The following ZNRF1 variants were observed in gnomAD, a reference collection of about 807,000 sequenced individuals.
The protein encoded by ZNRF1 is E3 ubiquitin-protein ligase ZNRF1.
ZNRF1 carries 3 observed loss-of-function variants against 18.4 expected under a neutral mutation model. The ratio of observed to expected loss-of-function variants is 0.16; its 90% CI spans 0.07 to 0.42. ZNRF1 has a LOEUF of 0.42. Ranked by LOEUF, ZNRF1 falls within the 10% of genes least tolerant of loss-of-function variation. ZNRF1 has a pLI of 0.99. For synonymous variants in ZNRF1, 157 were observed against 144.2 expected (o/e 1.09, Z -0.64); for missense variants, 310 against 329.8 (o/e 0.94, Z 0.47).
intron 1 of ZNRF1, among the ~76,000 whole-genome samples, chr16:75,087,127 GA>G (rs2036083671): frequency 6.6e-6 from 1 of 152,228 alleles, no homozygotes; most frequent in Admixed American, 6.5e-5. Flanking sequence ...AGTGGATTGG[GA>G]GAGTTCTTGT....
At chr16:75,058,361 C>G (rs1377926289) in intron 1 of ZNRF1, among the ~76,000 whole-genome samples, 1 of 152,108 alleles carries the variant, frequency 6.6e-6, no homozygotes, top group African/African-American at 2.4e-5. Flanking sequence ...GCTTTTTCTA[C>G]TTTGGCTTTC....
intron 1 of ZNRF1, among the ~76,000 whole-genome samples, chr16:75,013,185 A>G (rs1440447220): frequency 1.3e-5 from 2 of 152,192 alleles, no homozygotes; most frequent in Non-Finnish European, 2.9e-5. Context: ...AAGTAATTAT[A>G]AAGTATCTTT....
intron 1 of ZNRF1, among the ~76,000 whole-genome samples, chr16:75,016,061 C>T (rs915152972): frequency 5.3e-5 from 8 of 151,208 alleles, no homozygotes; most frequent in African/African-American, 1.9e-4. Context: ...GCTGGGACTA[C>T]AGGCGCCTGC....
intron 1 of ZNRF1, among the ~76,000 whole-genome samples, chr16:75,072,542 G>A (rs531147924): frequency 2.0e-5 from 3 of 152,318 alleles, no homozygotes; most frequent in South Asian, 4.1e-4. Context: ...GCCTGACACA[G>A]AGTAACCTGC....
rs2145423586 is a variant in ZNRF1, at chr16:75,095,854, A to AC, written c.520+2193dup. 4 of 1,028,000 alleles carry AC rather than the reference A, an allele frequency of 3.9e-6. No individual in the cohort carries two copies. In the East Asian group the frequency reaches 1.1e-4, roughly 29 times the overall value. The allele number at this position is 1,028,000 out of a possible 1,614,324, so 63.7% of individuals were successfully genotyped here. Reference sequence around the variant, plus strand: ...CTTGAGTGCCTGGCGCTGTTGGTTTACCCCCCTACACCCCACCACCGGCAG... The same window carrying AC: ...CTTGAGTGCCTGGCGCTGTTGGTTTACCCCCCCTACACCCCACCACCGGCAG... On this transcript the variant is annotated intron_variant, in intron 2 of 4. Coordinates refer to ENST00000335325, the MANE Select transcript of ZNRF1 (RefSeq NM_032268.5).
intron 1 of ZNRF1, among the ~76,000 whole-genome samples, chr16:75,012,736 C>T (rs920743378): frequency 1.3e-5 from 2 of 152,148 alleles, no homozygotes; most frequent in East Asian, 1.9e-4. Context: ...TACAGTTTCT[C>T]GGGACTCATG....
chr16:75,077,157 C>T (rs2035948946), intron 1 of ZNRF1, among the ~76,000 whole-genome samples: 1 of 152,178 alleles, frequency 6.6e-6, no homozygotes, highest in Non-Finnish European at 1.5e-5. Context: ...CTTTGGGAGG[C>T]CAAGGTGGGC....
chr16:75,003,314 T>C (rs1188328227), intron 1 of ZNRF1, among the ~76,000 whole-genome samples: 1 of 152,228 alleles, frequency 6.6e-6, no homozygotes, highest in Non-Finnish European at 1.5e-5. Context: ...TACTTTTTTC[T>C]GTGTATGGTT....
intron 1 of ZNRF1, among the ~76,000 whole-genome samples, chr16:75,074,463 G>A (rs1025152601): frequency 1.3e-5 from 2 of 152,152 alleles, no homozygotes; most frequent in Non-Finnish European, 2.9e-5. Flanking sequence ...AATATTTATG[G>A]GTGGATTTAT....
intron 1 of ZNRF1, among the ~76,000 whole-genome samples, chr16:75,030,229 G>A (rs2035284443): frequency 6.6e-6 from 1 of 152,016 alleles, no homozygotes; most frequent in African/African-American, 2.4e-5. Flanking sequence ...TGCATCTATG[G>A]TCAACTGATT....
chr16:75,038,399 A>C (rs1463910502), intron 1 of ZNRF1, among the ~76,000 whole-genome samples: 2 of 152,180 alleles, frequency 1.3e-5, no homozygotes, highest in African/African-American at 4.8e-5. Flanking sequence ...TTTGGAAGCT[A>C]AATTCCAAAA....
At chr16:75,061,707 C>G (rs1396651148) in intron 1 of ZNRF1, among the ~76,000 whole-genome samples, 1 of 152,132 alleles carries the variant, frequency 6.6e-6, no homozygotes, top group African/African-American at 2.4e-5. Flanking sequence ...GGCAAAGTTA[C>G]CTAGGGAAGA....
At chr16:75,039,485 A>G (rs2035415226) in intron 1 of ZNRF1, among the ~76,000 whole-genome samples, 1 of 152,220 alleles carries the variant, frequency 6.6e-6, no homozygotes, top group Non-Finnish European at 1.5e-5. Flanking sequence ...CTTGGAGTTA[A>G]TGGTATACGA....
intron 1 of ZNRF1, among the ~76,000 whole-genome samples, chr16:75,085,933 C>G (rs532150305): frequency 3.3e-5 from 5 of 152,074 alleles, no homozygotes; most frequent in Admixed American, 3.3e-4. Flanking sequence ...CCTGGGAAAA[C>G]TCGTGGAGTA....
At chr16:75,101,880 T>C (rs761964295) in intron 2 of ZNRF1, among the ~76,000 whole-genome samples, 24 of 152,372 alleles carry the variant, frequency 1.6e-4, no homozygotes, top group Admixed American at 2.6e-4. Flanking sequence ...ATCACACCCA[T>C]GTGTTCATCC....
chr16:75,074,105 T>A (rs1450667956), intron 1 of ZNRF1, among the ~76,000 whole-genome samples: 1 of 152,154 alleles, frequency 6.6e-6, no homozygotes, highest in Non-Finnish European at 1.5e-5. Flanking sequence ...TTGAAACTCG[T>A]GCTGCTCCTT....
intron 1 of ZNRF1, among the ~76,000 whole-genome samples, chr16:75,053,383 G>T (rs1489323006): frequency 1.3e-5 from 2 of 152,110 alleles, no homozygotes; most frequent in Admixed American, 1.3e-4. Context: ...GAGGTCAGGA[G>T]TTCAAGACTA....
At chr16:75,013,676 G>C in intron 1 of ZNRF1, among the ~76,000 whole-genome samples, 1 of 152,070 alleles carries the variant, frequency 6.6e-6, no homozygotes, top group South Asian at 2.1e-4. Flanking sequence ...GAACTCTGAA[G>C]TTTTAGTCCT....
rs114250400 is a variant in ZNRF1 at position 75,085,921 on chromosome 16, G to C, written c.425-7651G>C. Among the ~76,000 whole-genome samples, 542 of 152,116 alleles carry C rather than the reference G, an allele frequency of 3.6e-3. 2 individuals carry two copies. The highest frequency in any genetic ancestry group is 0.013 in the African/African-American group (519 of 41,500). On this transcript the variant is annotated intron_variant, in intron 1 of 4. Coordinates refer to ENST00000335325, the MANE Select transcript of ZNRF1 (RefSeq NM_032268.5). ...CATGATCTACCATCTGCAAGCTGGA[G>C]ACCTGGGAAAACTCGTGGAGTATGT...
Sources: allele counts gnomAD v4.1 joint callset (sites outside exome capture counted in the v4.1 genomes callset), GRCh38; gene constraint gnomAD v4.1.1; transcripts MANE v1.5; gene names NCBI Gene and HGNC (gene_info 2026-07-23, HGNC 2026-07-21).